Variants in ZNF577 observed in about 807,000 individuals in gnomAD.
The protein encoded by ZNF577 is zinc finger protein 577.
In ZNF577, 14 loss-of-function variants were observed where a neutral mutation model predicts 13.9. That is an observed-to-expected ratio of 1.00 (90% CI 0.66 to 1.57). The LOEUF (loss-of-function observed/expected upper bound fraction) is 1.57, where lower values mean the gene tolerates loss of function less well. ZNF577 is among the 40% of genes most tolerant of loss of function. ZNF577 has a pLI of 0.00. For missense variants in ZNF577, 555 were observed against 579.2 expected (o/e 0.96, Z 0.43); for synonymous variants, 203 against 202.9 (o/e 1.00, Z 0.00).
chr19:51,838,695 T>C (rs934801999), intron 9 of ZNF577, among the ~76,000 whole-genome samples: 8 of 150,884 alleles, frequency 5.3e-5, no homozygotes, highest in Non-Finnish European at 8.9e-5. Flanking sequence ...ATCTGCTTTA[T>C]GTATTTAAGA....
chr19:51,824,899 AC>A lies in ZNF577; in HGVS notation c.*600-13226del, dbSNP rs2084221139. 2.2e-6 allele frequency: 2 copies of A among 921,264 alleles called. No homozygotes were observed. The highest frequency in any genetic ancestry group is 3.3e-6 in the Non-Finnish European group (2 of 613,630). The allele number at this position is 921,264 out of a possible 1,614,324, so 57.1% of individuals were successfully genotyped here. On this transcript the variant is annotated intron_variant and NMD_transcript_variant, in intron 9 of 10. Coordinates refer to the ZNF577 transcript ENST00000638827. The surrounding 1 kb of genome is among the most constrained non-coding windows in gnomAD (Gnocchi z 4.7). Reference sequence around the variant, plus strand: ...GACAGTGTTTTTCTTCCTCTTTCATACCACCACCACCACAATCATCAACATA... The same window carrying A: ...GACAGTGTTTTTCTTCCTCTTTCATACACCACCACCACAATCATCAACATA...
At position 51,873,148 on chromosome 19, in the gene ZNF577, T is replaced by C; in HGVS notation, c.842A>G (p.Gln281Arg). ...GCSVCGKAFS[Q>R]KAYLTAHQRL... is the part of the protein sequence containing the mutation. ...CTGGTGTGCAGTGAGGTATGCCTTCTGAGAAAAGGCTTTCCCACACACACT... is the reference window on the plus strand; with the variant it reads ...CTGGTGTGCAGTGAGGTATGCCTTCCGAGAAAAGGCTTTCCCACACACACT... The change falls in exon 6 of 6, where the codon CAG (glutamine) becomes CGG (arginine). Residue 281 changes from glutamine to arginine, a missense_variant. Gln to Arg is a conservative substitution (Grantham distance 43). Coordinates refer to ENST00000638348, the MANE Select transcript of ZNF577 (RefSeq NM_001370449.1). 1.2e-6 allele frequency: 2 copies of C among 1,614,144 alleles called. No individual in the cohort carries two copies. The highest frequency in any genetic ancestry group is 8.5e-7 in the Non-Finnish European group (1 of 1,180,012).
At chr19:51,819,382 C>T (rs1318178842) in intron 9 of ZNF577, among the ~76,000 whole-genome samples, 1 of 152,122 alleles carries the variant, frequency 6.6e-6, no homozygotes, top group Non-Finnish European at 1.5e-5. Flanking sequence ...GAATGTGGGA[C>T]ACCCTAAATT....
intron 9 of ZNF577, chr19:51,825,977 A>G (rs1428007577): frequency 6.0e-6 from 1 of 166,940 alleles, no homozygotes; most frequent in Non-Finnish European, 1.5e-5. Context: ...TTTTAAAGTC[A>G]GACTGTTGAA....
chr19:51,865,385 C>T (rs2084550808), downstream of ZNF577, among the ~76,000 whole-genome samples: 1 of 135,456 alleles, frequency 7.4e-6, no homozygotes, highest in South Asian at 2.6e-4. Flanking sequence ...ACGTGAGCCA[C>T]CATGCCCGCG....
chr19:51,873,261 T>A lies in ZNF577; in HGVS notation c.729A>T (p.Arg243Ser), dbSNP rs370394310. Residue 243 changes from arginine (R) to serine (S), a missense_variant, in exon 6 of 6, where the codon AGA becomes AGT. By Grantham distance (110) the Arg-to-Ser change is moderately radical. Coordinates refer to ENST00000638348, the MANE Select transcript of ZNF577 (RefSeq NM_001370449.1). ...TGAAGGCTTTTCCGCATTTGCTGCA[T>A]CTGTAGGGTTTCTCTCCTGTATGGG... is the stretch of plus-strand genomic sequence containing the variant. ...QRTHTGEKPY[R>S]CSKCGKAFSR... is the part of the protein sequence containing the mutation. 48 of 1,612,972 alleles carry A rather than the reference T, an allele frequency of 3.0e-5. No individual in the cohort carries two copies. The highest frequency in any genetic ancestry group is 1.6e-4 in the Middle Eastern group (1 of 6,080).
intron 9 of ZNF577, among the ~76,000 whole-genome samples, chr19:51,828,310 A>G (rs1172126205): frequency 1.3e-5 from 2 of 151,876 alleles, no homozygotes; most frequent in Admixed American, 6.6e-5. Flanking sequence ...GAAGGTTGCA[A>G]TGAGCTGAGA....
chr19:51,841,399 G>A (rs2084319874), intron 8 of ZNF577, among the ~76,000 whole-genome samples: 1 of 152,140 alleles, frequency 6.6e-6, no homozygotes, highest in South Asian at 2.1e-4. Flanking sequence ...TCGCTGCTGA[G>A]GTGAAGAGCA....
intron 5 of ZNF577, among the ~76,000 whole-genome samples, chr19:51,855,367 C>CTGTGTGTGTGTGTATGTGTG (rs1555745556): frequency 1.7e-4 from 25 of 143,458 alleles, no homozygotes; most frequent in African/African-American, 6.6e-4. Flanking sequence ...GCTGAGGGTG[C>CTGTGTGTGTGTGTATGTGTG]TGTGTGTGTG....
At chr19:51,864,891 T>C (rs1336361518), downstream of ZNF577, among the ~76,000 whole-genome samples, 3 of 152,184 alleles carry the variant, frequency 2.0e-5, no homozygotes, top group African/African-American at 2.4e-5. Context: ...GAGAAGGAGA[T>C]GCCCAGAGAA....
At chr19:51,831,326 A>AGGCT (rs2084260167) in intron 9 of ZNF577, among the ~76,000 whole-genome samples, 1 of 152,188 alleles carries the variant, frequency 6.6e-6, no homozygotes, top group Non-Finnish European at 1.5e-5. Flanking sequence ...CATGTTGGCC[A>AGGCT]GGCTGGTCTC....
At position 51,886,899 on chromosome 19, in the gene ZNF577, A is replaced by G. The variant is rs1248586814; in HGVS notation, c.-297T>C. On this transcript the variant is annotated 5_prime_UTR_variant, in exon 1 of 6. Coordinates refer to ENST00000638348, the MANE Select transcript of ZNF577 (RefSeq NM_001370449.1). ...ACCTGGCTAAAATTATTTGCAGATG[A>G]CAAAAATGCTCAACTAGAAAAAAGA... 6.6e-6 allele frequency: 1 copy of G among 152,226 alleles called. No homozygotes were observed. Among genetic ancestry groups the G allele is most frequent in the Non-Finnish European group, 1.5e-5 (1 of 68,046 alleles). 9.4% of individuals were successfully genotyped at this position (152,226 alleles called of 1,614,324 possible).
intron 5 of ZNF577, chr19:51,860,383 T>C (rs2084483837): frequency 6.6e-6 from 1 of 152,306 alleles, no homozygotes; most frequent in Admixed American, 6.5e-5. Context: ...TTTAGGTAAA[T>C]GTATGACTCT....
chr19:51,837,367 T>C (rs2084293625), intron 9 of ZNF577, among the ~76,000 whole-genome samples: 1 of 152,202 alleles, frequency 6.6e-6, no homozygotes, highest in South Asian at 2.1e-4. Flanking sequence ...CTCTGATTGG[T>C]TGCTTCAGGT....
intron 2 of ZNF577, 131 bp from the exon 3 acceptor site, chr19:51,880,532 A>T: frequency 1.3e-6 from 1 of 753,328 alleles, no homozygotes; most frequent in Middle Eastern, 2.5e-4. Context: ...TTAATTTGCC[A>T]GGATTTTAAG....
Position 51,867,333 on chromosome 19 carries a change from T to G in ZNF577, c.*5199A>C, listed in dbSNP as rs2084580428. 6.6e-6 allele frequency among the ~76,000 whole-genome samples: 1 copy of G among 152,334 alleles called. No homozygotes were observed. Among genetic ancestry groups the G allele is most frequent in the East Asian group, 1.9e-4 (1 of 5,188 alleles). On this transcript the variant is annotated 3_prime_UTR_variant, in exon 6 of 6. Transcript: ENST00000638348. ...TAGGAAAAGGATATCATTTCTAAGGTATGATCTAGATATTGTCTTTTCTGA... is the reference window on the plus strand; with the variant it reads ...TAGGAAAAGGATATCATTTCTAAGGGATGATCTAGATATTGTCTTTTCTGA...
chr19:51,823,820 T>C, intron 9 of ZNF577: 2 of 1,613,944 alleles, frequency 1.2e-6, no homozygotes, highest in Non-Finnish European at 1.7e-6. Flanking sequence ...GCCACACCGT[T>C]CTGTGGATCT....
At chr19:51,876,630 A>C (rs993739564) in intron 5 of ZNF577, among the ~76,000 whole-genome samples, 1 of 152,040 alleles carries the variant, frequency 6.6e-6, no homozygotes, top group Admixed American at 6.5e-5. Context: ...CAGAAGTGCT[A>C]AAAGTAATGC....
At chr19:51,877,229 AGCT>A (rs1386457616) in intron 5 of ZNF577, 50 bp downstream of exon 5, 12 of 1,501,232 alleles carry the variant, frequency 8.0e-6, no homozygotes, top group Admixed American at 1.7e-5. Context: ...TTCTCCGACC[AGCT>A]GGGATTTGCA....
Sources: gnomAD v4.1 joint callset for allele counts (sites outside exome capture counted in the v4.1 genomes callset) on GRCh38, gnomAD v4.1.1 for gene constraint, Gnocchi (gnomAD v3.1) non-coding constraint, MANE v1.5 for transcripts, NCBI Gene and HGNC (gene_info 2026-07-23, HGNC 2026-07-21) for gene names.